The following SBF2 variants were observed in gnomAD, a reference collection of about 807,000 sequenced individuals.
SBF2 encodes the protein SET binding factor 2.
Under a neutral mutation model 225.2 loss-of-function variants are expected in SBF2, and 112 were observed. The observed-to-expected ratio is 0.50, with a 90% CI of 0.43 to 0.58. The LOEUF (loss-of-function observed/expected upper bound fraction) is 0.58, where lower values mean the gene tolerates loss of function less well. Among genes scored for constraint, SBF2 ranks in the 20% least tolerant of loss-of-function variants. The pLI, the probability that SBF2 is intolerant of heterozygous loss-of-function variation, is 0.00. For missense variants in SBF2, 1,996 were observed against 2,206.2 expected, an observed-to-expected ratio of 0.90 and a Z score of 1.91; for synonymous variants, 763 against 773.3, an observed-to-expected ratio of 0.99 and a Z score of 0.22.
chr11:10,196,866 A>ATATATATTTTTTTTTTTTTTTTT, intron 1 of SBF2, among the ~76,000 whole-genome samples: 1 of 99,314 alleles, frequency 1.0e-5, no homozygotes, highest in African/African-American at 4.0e-5. Flanking sequence ...ATATATATAT[A>ATATATATTTTTTTTTTTTTTTTT]TTTTTTTTTT....
intron 1 of SBF2, among the ~76,000 whole-genome samples, chr11:10,269,907 G>A (rs916268534): frequency 6.6e-6 from 1 of 152,098 alleles, no homozygotes; most frequent in African/African-American, 2.4e-5. Flanking sequence ...GATTACAGGA[G>A]TGAGCCACCA....
At chr11:9,968,276 T>C in intron 14 of SBF2, 65 bp downstream of exon 14, 2 of 1,438,846 alleles carry the variant, frequency 1.4e-6, no homozygotes, top group Non-Finnish European at 2.0e-6. Flanking sequence ...ATTGCACACT[T>C]TTCCTTTTTG....
At chr11:9,816,549 CT>C (rs1009950136) in intron 29 of SBF2, among the ~76,000 whole-genome samples, 5 of 151,674 alleles carry the variant, frequency 3.3e-5, no homozygotes, top group Middle Eastern at 3.4e-3. Flanking sequence ...AGCCTTATTC[CT>C]TTTTTTTGTA....
intron 28 of SBF2, chr11:9,828,063 A>C: frequency 1.0e-6 from 1 of 980,790 alleles, no homozygotes; most frequent in Non-Finnish European, 1.4e-6. Flanking sequence ...TCAACTATCT[A>C]GAAAAATGCT....
intron 31 of SBF2, 88 bp from the exon 32 acceptor site, chr11:9,808,273 C>T: frequency 8.7e-7 from 1 of 1,145,346 alleles, no homozygotes; most frequent in African/African-American, 1.5e-5. Flanking sequence ...CTGATGATAG[C>T]TAATTCACAA....
intron 6 of SBF2, among the ~76,000 whole-genome samples, chr11:10,013,823 T>A (rs1948544728): frequency 1.3e-5 from 2 of 152,244 alleles, no homozygotes; most frequent in Non-Finnish European, 2.9e-5. Context: ...ACTCACTCTG[T>A]ATTTCCCAGT....
At chr11:10,255,365 A>G (rs1376112220) in intron 1 of SBF2, among the ~76,000 whole-genome samples, 1 of 152,216 alleles carries the variant, frequency 6.6e-6, no homozygotes, top group African/African-American at 2.4e-5. Context: ...TTATTTGTCA[A>G]TTAAAAATAA....
intron 2 of SBF2, among the ~76,000 whole-genome samples, chr11:10,152,423 C>T (rs1165709075): frequency 1.3e-5 from 2 of 152,116 alleles, no homozygotes; most frequent in Non-Finnish European, 2.9e-5. Context: ...GTGGTGCATG[C>T]CTGTAATCCC....
chr11:9,874,827 T>C (rs1232838235), intron 17 of SBF2, among the ~76,000 whole-genome samples: 1 of 152,214 alleles, frequency 6.6e-6, no homozygotes, highest in Admixed American at 6.5e-5. Flanking sequence ...ATAACACCTC[T>C]TGACTTGCAT....
chr11:10,183,106 A>G lies in SBF2; in HGVS notation c.141+10796T>C, dbSNP rs376287978. ...TGCTTTGTGGAGACAGGGTTTCACC[A>G]TGTTGCCCAGGGTGATCATCACCCC... is the stretch of plus-strand genomic sequence containing the variant. On this transcript the variant is annotated intron_variant, in intron 2 of 39. Transcript: ENST00000256190. 3.3e-5 allele frequency among the ~76,000 whole-genome samples: 5 copies of G among 152,274 alleles called. No individual in the cohort carries two copies. In the East Asian group the frequency reaches 9.7e-4, roughly 29 times the overall value.
At chr11:10,069,467 T>C (rs957895430) in intron 2 of SBF2, among the ~76,000 whole-genome samples, 15 of 152,160 alleles carry the variant, frequency 9.9e-5, no homozygotes, top group East Asian at 3.8e-4. Context: ...ACTTCATCCA[T>C]GTACCTGCAA....
intron 25 of SBF2, among the ~76,000 whole-genome samples, chr11:9,841,741 C>T (rs982456691): frequency 6.6e-6 from 1 of 152,078 alleles, no homozygotes; most frequent in African/African-American, 2.4e-5. Flanking sequence ...GCCATGTTGG[C>T]CAGGCTGGTC....
intron 16 of SBF2, among the ~76,000 whole-genome samples, chr11:9,907,782 A>C (rs1217558254): frequency 1.3e-5 from 2 of 152,256 alleles, no homozygotes; most frequent in Non-Finnish European, 2.9e-5. Flanking sequence ...GCACTTATTA[A>C]GTGTTTACTA....
At chr11:10,205,145 C>T (rs1351041140) in intron 1 of SBF2, among the ~76,000 whole-genome samples, 1 of 151,866 alleles carries the variant, frequency 6.6e-6, no homozygotes, top group Non-Finnish European at 1.5e-5. Flanking sequence ...CCTACACGTC[C>T]TGCACATGTA....
At position 9,786,255 on chromosome 11, in the gene SBF2, T is replaced by C. The variant is rs181216903; in HGVS notation, c.5038-937A>G. ...AAATAGTATGTCTAGAAAATCTCTT[T>C]TATATGTGAATTTATAAGGGTAAAA... On this transcript the variant is annotated intron_variant, in intron 36 of 39. Coordinates refer to ENST00000256190, the MANE Select transcript of SBF2 (RefSeq NM_030962.4). Among the ~76,000 whole-genome samples, 391 of 152,320 alleles carry C rather than the reference T, an allele frequency of 2.6e-3. 2 individuals carry two copies. The highest frequency in any genetic ancestry group is 9.0e-3 in the African/African-American group (374 of 41,564).
intron 13 of SBF2, among the ~76,000 whole-genome samples, chr11:9,974,655 C>G (rs1258198743): frequency 1.0e-5 from 1 of 98,426 alleles, no homozygotes; most frequent in Non-Finnish European, 2.2e-5. Flanking sequence ...CAACACCGCC[C>G]AAAAAAAAAA....
At chr11:10,003,534 A>C (rs567942425) in intron 6 of SBF2, among the ~76,000 whole-genome samples, 3 of 151,570 alleles carry the variant, frequency 2.0e-5, no homozygotes, top group Admixed American at 1.3e-4. Flanking sequence ...TGCCCAGCTA[A>C]TTTTTTCTAT....
intron 2 of SBF2, among the ~76,000 whole-genome samples, chr11:10,054,464 A>G (rs1391952562): frequency 1.3e-5 from 2 of 152,232 alleles, no homozygotes; most frequent in East Asian, 1.9e-4. Context: ...ATATTTTGGT[A>G]TATCAGTCTC....
chr11:9,910,166 G>C (rs1564988633), intron 16 of SBF2, among the ~76,000 whole-genome samples: 1 of 151,540 alleles, frequency 6.6e-6, no homozygotes, highest in Non-Finnish European at 1.5e-5. Flanking sequence ...ATGATGTTTT[G>C]GTCAATGATG....
Sources: allele counts gnomAD v4.1 joint callset (sites outside exome capture counted in the v4.1 genomes callset), GRCh38; gene constraint gnomAD v4.1.1; transcripts MANE v1.5; gene names NCBI Gene and HGNC (gene_info 2026-07-23, HGNC 2026-07-21).